Variants in SPSB4 observed in about 807,000 individuals in gnomAD.
The protein encoded by SPSB4 is SPRY domain-containing SOCS box protein 4.
Under a neutral mutation model 20.9 loss-of-function variants are expected in SPSB4, and 21 were observed. The observed-to-expected ratio is 1.01, with a 90% CI of 0.71 to 1.45. SPSB4 has a LOEUF of 1.45. Among genes scored for constraint, SPSB4 ranks in the 40% most tolerant of loss-of-function variants. The probability of loss-of-function intolerance (pLI) is 0.00; values close to 1 mark genes in which losing one functional copy is unlikely to be tolerated. For missense variants in SPSB4, 399 were observed against 399.2 expected, an observed-to-expected ratio of 1.00 and a Z score of 0.00; for synonymous variants, 207 against 183.8, an observed-to-expected ratio of 1.13 and a Z score of -1.02.
intron 2 of SPSB4, among the ~76,000 whole-genome samples, chr3:141,091,253 C>G (rs975106453): frequency 1.3e-5 from 2 of 152,188 alleles, no homozygotes; most frequent in African/African-American, 4.8e-5. Context: ...GCACCAAGCC[C>G]TTGGGCACTG....
In SPSB4 at chr3:141,147,538, C is replaced by T. The variant is rs1314359792; in HGVS notation, c.*269C>T. 8.7e-6 allele frequency: 4 copies of T among 457,918 alleles called. No homozygotes were observed. The highest frequency in any genetic ancestry group is 1.6e-5 in the Non-Finnish European group (4 of 253,298). The allele number at this position is 457,918 out of a possible 1,614,324, so 28.4% of individuals were successfully genotyped here. A position where few individuals can be genotyped will look rare whatever the true frequency, so the allele number is the denominator to read the frequency against. ...CCTGGAGTCTGCACCTCCTGGAAATCCTGCCACCAACCAGGACACAGCAGC... is the reference window on the plus strand; with the variant it reads ...CCTGGAGTCTGCACCTCCTGGAAATTCTGCCACCAACCAGGACACAGCAGC... On this transcript the variant is annotated 3_prime_UTR_variant, in exon 3 of 3. Coordinates refer to ENST00000310546, the MANE Select transcript of SPSB4 (RefSeq NM_080862.3).
At chr3:141,124,306 G>T (rs1441735254) in intron 2 of SPSB4, 1 of 152,336 alleles carries the variant, frequency 6.6e-6, no homozygotes, top group African/African-American at 2.4e-5. Flanking sequence ...GAGATTCAGG[G>T]TGGTCAGGGA....
chr3:141,121,041 G>C (rs74370957), intron 2 of SPSB4, among the ~76,000 whole-genome samples: 1 of 149,952 alleles, frequency 6.7e-6, no homozygotes, highest in Non-Finnish European at 1.5e-5. Context: ...TTTTTGCAGT[G>C]GCTGGTACAA....
At chr3:141,057,569 G>A (rs1937671633) in intron 1 of SPSB4, among the ~76,000 whole-genome samples, 1 of 152,148 alleles carries the variant, frequency 6.6e-6, no homozygotes. Flanking sequence ...ACTCTGATGA[G>A]GGACACCCGG....
intron 1 of SPSB4, among the ~76,000 whole-genome samples, chr3:141,054,098 G>A (rs987020497): frequency 6.6e-6 from 1 of 152,234 alleles, no homozygotes; most frequent in Admixed American, 6.5e-5. Context: ...ATCCCAGAAA[G>A]TGGCCAAGCC....
At chr3:141,103,651 G>C (rs1938645987) in intron 2 of SPSB4, among the ~76,000 whole-genome samples, 1 of 152,142 alleles carries the variant, frequency 6.6e-6, no homozygotes, top group Non-Finnish European at 1.5e-5. Flanking sequence ...GGTAAGGCCA[G>C]AGACAGGCAC....
chr3:141,094,917 C>G (rs934058604), intron 2 of SPSB4, among the ~76,000 whole-genome samples: 4 of 151,900 alleles, frequency 2.6e-5, no homozygotes, highest in African/African-American at 7.3e-5. Context: ...GCCTGTGCTT[C>G]CCTTGTCTCC....
intron 2 of SPSB4, among the ~76,000 whole-genome samples, chr3:141,107,800 C>T (rs538985851): frequency 1.3e-5 from 2 of 151,936 alleles, no homozygotes; most frequent in African/African-American, 4.8e-5. Flanking sequence ...ACTAAAAGTA[C>T]AAAAATTAGC....
At chr3:141,118,380 C>G (rs1431118230) in intron 2 of SPSB4, among the ~76,000 whole-genome samples, 3 of 151,992 alleles carry the variant, frequency 2.0e-5, no homozygotes, top group South Asian at 2.1e-4. Flanking sequence ...TTTGTAGATT[C>G]TGGATATTAG....
intron 2 of SPSB4, among the ~76,000 whole-genome samples, chr3:141,098,672 T>C (rs1938577361): frequency 1.3e-5 from 2 of 152,248 alleles, no homozygotes; most frequent in African/African-American, 4.8e-5. Flanking sequence ...GATTCTCTTT[T>C]GATTCTCTAG....
chr3:141,134,018 CT>C (rs1228757184), intron 2 of SPSB4, among the ~76,000 whole-genome samples: 946 of 56,430 alleles, frequency 0.017, 16 homozygotes, highest in African/African-American at 0.058. Flanking sequence ...AGTATTTTTC[CT>C]TTTTTTTTTT....
intron 2 of SPSB4, among the ~76,000 whole-genome samples, chr3:141,113,957 G>A (rs572139283): frequency 2.6e-5 from 4 of 152,266 alleles, no homozygotes; most frequent in East Asian, 1.9e-4. Context: ...ACATGGTGGC[G>A]CATGCCTGTG....
At chr3:141,089,497 G>C (rs1424215821) in intron 2 of SPSB4, among the ~76,000 whole-genome samples, 1 of 152,186 alleles carries the variant, frequency 6.6e-6, no homozygotes, top group Non-Finnish European at 1.5e-5. Context: ...GGAGGAGAAG[G>C]AGGGGCCTAG....
chr3:141,075,698 G>A (rs550327956), intron 2 of SPSB4, among the ~76,000 whole-genome samples: 2 of 151,722 alleles, frequency 1.3e-5, no homozygotes, highest in Non-Finnish European at 2.9e-5. Context: ...TTATCCCCAC[G>A]CCCCACCATC....
intron 2 of SPSB4, among the ~76,000 whole-genome samples, chr3:141,081,458 G>T (rs1938228887): frequency 6.6e-6 from 1 of 152,224 alleles, no homozygotes; most frequent in South Asian, 2.1e-4. Flanking sequence ...GGCCCAGGGA[G>T]TGAGTTCAAG....
chr3:141,066,210 C>T lies in SPSB4; in HGVS notation c.106C>T (p.Arg36Trp). ...GGGTGCAGAGCCCGGGCGGCCGGCG[C>T]GGCTGGACCAGCTGTTGGACATGCC... ...LRGAEPGRPA[R>W]LDQLLDMPAA... The change falls in exon 2 of 3, where the codon CGG (arginine) becomes TGG (tryptophan). Residue 36 changes from arginine to tryptophan, a missense_variant. Transcript: ENST00000310546. The T allele has an allele frequency of 6.5e-7, 1 of 1,536,746 alleles. No homozygotes were observed. Among genetic ancestry groups the T allele is most frequent in the South Asian group, 1.2e-5 (1 of 82,756 alleles).
chr3:141,084,266 T>C (rs938679364), intron 2 of SPSB4, among the ~76,000 whole-genome samples: 3 of 152,166 alleles, frequency 2.0e-5, no homozygotes, highest in Non-Finnish European at 2.9e-5. Flanking sequence ...AGCAGAAGCA[T>C]AGGGCTTGCT....
intron 2 of SPSB4, among the ~76,000 whole-genome samples, chr3:141,132,604 C>G (rs1214210825): frequency 6.6e-6 from 1 of 151,940 alleles, no homozygotes; most frequent in Non-Finnish European, 1.5e-5. Flanking sequence ...GCTGTGAATG[C>G]CATTATTTCA....
chr3:141,104,892 A>G (rs1159601677), intron 2 of SPSB4, among the ~76,000 whole-genome samples: 1 of 152,226 alleles, frequency 6.6e-6, no homozygotes, highest in Non-Finnish European at 1.5e-5. Flanking sequence ...TTTTAAAAGA[A>G]TTCTGTGCCC....
Sources: gnomAD v4.1 joint callset for allele counts (sites outside exome capture counted in the v4.1 genomes callset) on GRCh38, gnomAD v4.1.1 for gene constraint, MANE v1.5 for transcripts, NCBI Gene and HGNC (gene_info 2026-07-23, HGNC 2026-07-21) for gene names.